Variants in DGCR8 observed in about 807,000 individuals in gnomAD.
The protein encoded by DGCR8 is DGCR8 microprocessor complex subunit, also known as microprocessor complex subunit DGCR8.
Under a neutral mutation model 78.5 loss-of-function variants are expected in DGCR8, and 14 were observed. That is an observed-to-expected ratio of 0.18 (90% CI 0.12 to 0.28). The LOEUF (loss-of-function observed/expected upper bound fraction) is 0.28. DGCR8 is among the 10% of genes least tolerant of loss of function. The pLI is 1.00. For synonymous variants in DGCR8, 399 were observed against 402.4 expected, an observed-to-expected ratio of 0.99 and a Z score of 0.10; for missense variants, 702 against 1,022.5, an observed-to-expected ratio of 0.69 and a Z score of 4.28.
intron 1 of DGCR8, among the ~76,000 whole-genome samples, chr22:20,083,799 A>G (rs953474271): frequency 6.6e-6 from 1 of 151,886 alleles, no homozygotes; most frequent in Non-Finnish European, 1.5e-5. Flanking sequence ...TGTTTTCTCT[A>G]ATGGTCTTTC....
At chr22:20,101,117 A>G (rs1042673282) in intron 9 of DGCR8, 1 of 864,910 alleles carries the variant, frequency 1.2e-6, no homozygotes. Context: ...GGTCGTTTTG[A>G]ATCACAAAAG....
At chr22:20,107,062 C>T (rs2049779437) in intron 11 of DGCR8, 5 of 609,454 alleles carry the variant, frequency 8.2e-6, no homozygotes, top group Non-Finnish European at 1.5e-5. Context: ...GTCCTCAGCT[C>T]CTAGACTCTG....
rs2049822373 is a variant in DGCR8, at chr22:20,110,261, G to C, written c.*153G>C. Reference sequence around the variant, plus strand: ...CCGGCCTTAGGGTGGAGGCTTTAGTGTACAGGGACAGCCATGGCCACACAG... The same window carrying C: ...CCGGCCTTAGGGTGGAGGCTTTAGTCTACAGGGACAGCCATGGCCACACAG... On this transcript the variant is annotated 3_prime_UTR_variant, in exon 14 of 14. Transcript: ENST00000351989. The C allele has an allele frequency of 8.6e-6, 6 of 698,704 alleles. No individual in the cohort carries two copies. Among genetic ancestry groups the C allele is most frequent in the Admixed American group, 5.3e-5 (2 of 37,538 alleles). 43.3% of individuals were successfully genotyped at this position (698,704 alleles called of 1,614,324 possible).
At chr22:20,093,886 G>A (rs774152241) in intron 8 of DGCR8, among the ~76,000 whole-genome samples, 5 of 152,292 alleles carry the variant, frequency 3.3e-5, no homozygotes, top group East Asian at 1.9e-4. Context: ...CCAGGCCCTC[G>A]CACCCACAGG....
intron 8 of DGCR8, among the ~76,000 whole-genome samples, chr22:20,093,661 A>C (rs2147925527): frequency 6.6e-6 from 1 of 152,002 alleles, no homozygotes; most frequent in South Asian, 2.1e-4. Flanking sequence ...GAGTCCTCCC[A>C]CTCCATGTTT....
At chr22:20,095,355 T>C (rs1220644465) in intron 9 of DGCR8, among the ~76,000 whole-genome samples, 1 of 152,154 alleles carries the variant, frequency 6.6e-6, no homozygotes, top group African/African-American at 2.4e-5. Context: ...ATCCACTCGC[T>C]TCCGCCTCCT....
intron 1 of DGCR8, among the ~76,000 whole-genome samples, chr22:20,083,663 G>A (rs2049443396): frequency 6.6e-6 from 1 of 152,062 alleles, no homozygotes. Flanking sequence ...GCTTCTTCAT[G>A]TAGCTTTTTG....
chr22:20,102,454 G>A (rs1158724125), intron 9 of DGCR8, among the ~76,000 whole-genome samples: 2 of 152,156 alleles, frequency 1.3e-5, no homozygotes, highest in African/African-American at 4.8e-5. Flanking sequence ...CTTCCTTGAG[G>A]GACACTGACA....
rs549290324 is a variant in DGCR8, at chr22:20,082,055, T to C, written c.-278+1672T>C. 1.1e-3 allele frequency among the ~76,000 whole-genome samples: 161 copies of C among 151,706 alleles called. 2 individuals carry two copies. The highest frequency in any genetic ancestry group is 3.5e-3 in the Admixed American group (54 of 15,252). ...CAGAGTGATTCTTCTTTCTTTCTTT[T>C]TTTTTTTTTTTGTTTTTTTGAGACA... On this transcript the variant is annotated intron_variant, in intron 1 of 13. Coordinates refer to ENST00000351989, the MANE Select transcript of DGCR8 (RefSeq NM_022720.7).
chr22:20,096,609 A>G (rs1416733507), intron 9 of DGCR8: 2 of 397,292 alleles, frequency 5.0e-6, no homozygotes, highest in East Asian at 3.2e-4. Flanking sequence ...TAACCATCAT[A>G]ACTACCTAAT....
At chr22:20,101,666 G>A (rs1030947136) in intron 9 of DGCR8, 9 of 985,296 alleles carry the variant, frequency 9.1e-6, no homozygotes, top group African/African-American at 3.5e-5. Context: ...CCGTTGTAGG[G>A]TGGTGGGGGT....
intron 9 of DGCR8, chr22:20,101,522 G>C: frequency 7.5e-6 from 7 of 932,714 alleles, no homozygotes; most frequent in Non-Finnish European, 8.9e-6. Context: ...AGCTTGCAGC[G>C]AGCTGAGATT....
intron 9 of DGCR8, chr22:20,101,683 AC>A (rs2049704078): frequency 1.0e-6 from 1 of 985,172 alleles, no homozygotes; most frequent in South Asian, 4.7e-5. Flanking sequence ...GGGTGTTTAG[AC>A]AGGGGTGGCC....
At chr22:20,105,642 T>G in intron 9 of DGCR8, among the ~76,000 whole-genome samples, 1 of 152,194 alleles carries the variant, frequency 6.6e-6, no homozygotes, top group Non-Finnish European at 1.5e-5. Context: ...AGAGCCAGGG[T>G]GATGACACTG....
At chr22:20,095,194 C>T (rs2049613900) in intron 9 of DGCR8, among the ~76,000 whole-genome samples, 3 of 152,130 alleles carry the variant, frequency 2.0e-5, no homozygotes. Flanking sequence ...CAACTTTCAC[C>T]TCCCGGATTC....
chr22:20,103,249 T>C (rs554765561), intron 9 of DGCR8, among the ~76,000 whole-genome samples: 2 of 152,300 alleles, frequency 1.3e-5, no homozygotes, highest in Middle Eastern at 3.4e-3. Flanking sequence ...TAAACATAGT[T>C]CATCTGTTCA....
At chr22:20,083,874 C>T (rs1338239971) in intron 1 of DGCR8, among the ~76,000 whole-genome samples, 1 of 152,214 alleles carries the variant, frequency 6.6e-6, no homozygotes, top group East Asian at 1.9e-4. Context: ...TTGCTGCCCA[C>T]AGCCTCTTGA....
intron 7 of DGCR8, 51 bp from the exon 8 acceptor site, chr22:20,092,758 C>T (rs781144296): frequency 3.3e-6 from 5 of 1,524,202 alleles, no homozygotes; most frequent in Non-Finnish European, 4.5e-6. Context: ...TGTGCACACG[C>T]TTTTGATGTC....
Position 20,086,891 on chromosome 22 carries a change from G to A in DGCR8, c.720+208G>A, listed in dbSNP as rs2049491311. On this transcript the variant is annotated intron_variant, in intron 2 of 13. Coordinates refer to ENST00000351989, the MANE Select transcript of DGCR8 (RefSeq NM_022720.7). This position sits in a 1 kb window ranked among gnomAD's most constrained non-coding sequence, Gnocchi z 6.4. ...TTTCCTAATGAAAAGTTTGGCCCAT[G>A]GGTAGGCCCTGCATCCCTGATCTAG... The A allele has an allele frequency of 3.9e-6, 3 of 778,036 alleles. No individual in the cohort carries two copies. The highest frequency in any genetic ancestry group is 1.7e-5 in the African/African-American group (1 of 57,224). 48.2% of individuals were successfully genotyped at this position (778,036 alleles called of 1,614,324 possible).
Sources: gnomAD v4.1 joint callset for allele counts (sites outside exome capture counted in the v4.1 genomes callset) on GRCh38, gnomAD v4.1.1 for gene constraint, Gnocchi (gnomAD v3.1) non-coding constraint, MANE v1.5 for transcripts, NCBI Gene and HGNC (gene_info 2026-07-23, HGNC 2026-07-21) for gene names.